Variants in KANTR observed in about 807,000 individuals in gnomAD.
KANTR encodes KANTR integral membrane protein.
chrX:53,113,277 T>TGCCCAAGCCTATAGCAACC, intron 2 of KANTR: 1 of 183,986 alleles, frequency 5.4e-6, no homozygotes, highest in African/African-American at 3.2e-5. Context: ...TTCATGAACT[T>TGCCCAAGCCTATAGCAACC]GCCCAAGCCT....
At chrX:53,145,776 G>A (rs782304364), downstream of KANTR, among the ~76,000 whole-genome samples, 7 of 111,997 alleles carry the variant, frequency 6.3e-5, no homozygotes, top group East Asian at 2.8e-4. Flanking sequence ...CACCTCACAC[G>A]GCCGGGTACT....
chrX:53,116,743 T>G (rs1464517783), intron 2 of KANTR, among the ~76,000 whole-genome samples: 4 of 111,951 alleles, frequency 3.6e-5, no homozygotes, highest in Non-Finnish European at 1.9e-5. Context: ...TTGAGTTGGT[T>G]TGACCATCTT....
chrX:53,121,119 C>G (rs1372291237), intron 2 of KANTR, among the ~76,000 whole-genome samples: 1 of 110,379 alleles, frequency 9.1e-6, no homozygotes. Flanking sequence ...CTGCCTCAGC[C>G]TCCTGAGTAG....
downstream of KANTR, chrX:53,143,894 G>A (rs1262635826): frequency 7.5e-5 from 31 of 413,522 alleles, no homozygotes; most frequent in South Asian, 2.4e-4. Context: ...AATGATGAGC[G>A]CGGCGATCTC....
rs1311420463 is a variant in KANTR at position 53,099,462 on chromosome X, A to G, written c.-941-10A>G. The G allele has an allele frequency of 2.7e-5, 3 of 112,003 alleles. No individual in the cohort carries two copies. The Admixed American group carries it at 2.9e-4, about 11-fold the overall frequency. 9.2% of individuals were successfully genotyped at this position (112,003 alleles called of 1,213,427 possible). A position where few individuals can be genotyped will look rare whatever the true frequency, so the allele number is the denominator to read the frequency against. On this transcript the variant is annotated splice_polypyrimidine_tract_variant and intron_variant, in intron 1 of 2. Coordinates refer to ENST00000604062, the Ensembl canonical transcript of KANTR. ...TTCTGATTCTCTCGTTATTTCTGCC[A>G]TCTCTGCAGTTGCTTCCTCTACTGA... is the stretch of plus-strand genomic sequence containing the variant.
downstream of KANTR, among the ~76,000 whole-genome samples, chrX:53,144,353 C>A (rs1233399828): frequency 9.0e-6 from 1 of 111,463 alleles, no homozygotes; most frequent in Non-Finnish European, 1.9e-5. Context: ...CGAGATTGTG[C>A]CACTGCACTC....
chrX:53,136,302 G>C (rs1300446803), intron 2 of KANTR, among the ~76,000 whole-genome samples: 1 of 109,975 alleles, frequency 9.1e-6, no homozygotes, highest in Non-Finnish European at 1.9e-5. Context: ...GCAATGATGC[G>C]ATCTCAGCTC....
chrX:53,107,782 G>A (rs1932972278), intron 2 of KANTR, among the ~76,000 whole-genome samples: 2 of 110,370 alleles, frequency 1.8e-5, no homozygotes, highest in Admixed American at 9.6e-5. Flanking sequence ...CTAGAGACAA[G>A]GTCTTGCTCT....
intron 2 of KANTR, among the ~76,000 whole-genome samples, chrX:53,118,141 T>C (rs1407337835): frequency 9.0e-6 from 1 of 111,473 alleles, no homozygotes; most frequent in Non-Finnish European, 1.9e-5. Flanking sequence ...CTGGAACATA[T>C]GCACACCCAT....
intron 2 of KANTR, chrX:53,113,163 C>T (rs1330750784): frequency 1.2e-5 from 3 of 256,988 alleles, no homozygotes; most frequent in South Asian, 5.5e-5. Flanking sequence ...GCCATCAGAG[C>T]GTGGCTGTAG....
intron 2 of KANTR, among the ~76,000 whole-genome samples, chrX:53,114,962 G>A (rs1933100943): frequency 9.1e-6 from 1 of 109,362 alleles, no homozygotes; most frequent in Non-Finnish European, 1.9e-5. Flanking sequence ...TGGGGCCGGT[G>A]TGGAGCCTGG....
chrX:53,123,176 G>A (rs1283887989), intron 2 of KANTR, among the ~76,000 whole-genome samples: 2 of 102,261 alleles, frequency 2.0e-5, no homozygotes, highest in Non-Finnish European at 4.1e-5. Flanking sequence ...TCCTGAGCAA[G>A]ACTTTTTTTT....
At chrX:53,129,849 A>AATTT (rs59141550), downstream of KANTR, among the ~76,000 whole-genome samples, 3,068 of 98,953 alleles carry the variant, frequency 0.031, 48 homozygotes, top group African/African-American at 0.055. Flanking sequence ...TCTCCTTACA[A>AATTT]ATTTATTTAT....
chrX:53,106,123 C>T lies in KANTR; in HGVS notation c.-805+6515C>T, dbSNP rs964459286. Among the ~76,000 whole-genome samples the T allele has an allele frequency of 1.8e-3, 192 of 109,256 alleles. 2 individuals carry two copies. Among genetic ancestry groups the T allele is most frequent in the Non-Finnish European group, 2.7e-3 (141 of 52,805 alleles). The allele number at this position is 109,256 out of a possible 115,157, so 94.9% of individuals were successfully genotyped here. Reference sequence around the variant, plus strand: ...CCACCCGCCTCGGCCTCCCAAAGTGCTGGGATTACAGGCGTGAGCCACCGC... The same window carrying T: ...CCACCCGCCTCGGCCTCCCAAAGTGTTGGGATTACAGGCGTGAGCCACCGC... On this transcript the variant is annotated intron_variant, in intron 2 of 2. Coordinates refer to ENST00000604062, the Ensembl canonical transcript of KANTR.
chrX:53,123,079 A>C (rs1933247547), intron 2 of KANTR, among the ~76,000 whole-genome samples: 1 of 111,809 alleles, frequency 8.9e-6, no homozygotes, highest in African/African-American at 3.2e-5. Context: ...TATAAATTAA[A>C]ATATTTTCAA....
chrX:53,142,867 T>C (rs183326298), downstream of KANTR: 6 of 517,750 alleles, frequency 1.2e-5, no homozygotes, highest in Middle Eastern at 4.8e-4. Context: ...ACATACCTAA[T>C]TGCTAATCCA....
rs781862031 is a variant in KANTR at position 53,122,018 on chromosome X, G to A, written c.-804-1451G>A. 2.7e-5 allele frequency among the ~76,000 whole-genome samples: 3 copies of A among 112,335 alleles called. No individual in the cohort carries two copies. The South Asian group carries it at 1.1e-3, about 42-fold the overall frequency. ...GAGGGTGTATCTCTGTATATCATTT[G>A]AAATTCTTCTGTAAAGATTTGTCTC... On this transcript the variant is annotated intron_variant, in intron 2 of 2. Coordinates refer to ENST00000604062, the Ensembl canonical transcript of KANTR.
chrX:53,134,384 G>A (rs781904163), intron 2 of KANTR, among the ~76,000 whole-genome samples: 12 of 110,349 alleles, frequency 1.1e-4, no homozygotes, highest in Non-Finnish European at 2.3e-4. Context: ...AAATTTTTCC[G>A]CAAAAATCGA....
chrX:53,110,284 T>C (rs781850701), intron 2 of KANTR, among the ~76,000 whole-genome samples: 1 of 111,779 alleles, frequency 8.9e-6, no homozygotes, highest in Non-Finnish European at 1.9e-5. Context: ...AGCTGTGGGT[T>C]TGTTATATAT....
Sources: gnomAD v4.1 joint callset for allele counts (sites outside exome capture counted in the v4.1 genomes callset) on GRCh38, gnomAD v4.1.1 for gene constraint, MANE v1.5 for transcripts, NCBI Gene and HGNC (gene_info 2026-07-23, HGNC 2026-07-21) for gene names.